CD1B: variants seen among roughly 807,000 people sequenced by gnomAD.
CD1B encodes the protein CD1b molecule, also known as T-cell surface glycoprotein CD1b.
Under a neutral mutation model 39.8 loss-of-function variants are expected in CD1B, and 43 were observed. The observed-to-expected ratio is 1.08, with a 90% CI of 0.85 to 1.39. CD1B has a LOEUF of 1.39. Among genes scored for constraint, CD1B ranks in the 40% most tolerant of loss-of-function variants. CD1B has a pLI of 0.00. For synonymous variants in CD1B, 192 were observed against 152.5 expected (o/e 1.26, Z -1.91); for missense variants, 495 against 403.8 (o/e 1.23, Z -1.94).
chr1:158,301,152 C>T, the CD1B span, among the ~76,000 whole-genome samples: 4 of 151,912 alleles, frequency 2.6e-5, no homozygotes, highest in East Asian at 3.9e-4. Flanking sequence ...GGTAGAGTGT[C>T]CTCCATCCCT....
At chr1:158,292,615 G>A in the CD1B span, 1 of 1,612,828 alleles carries the variant, frequency 6.2e-7, no homozygotes, top group Non-Finnish European at 8.5e-7. Context: ...AAGCCTGGCT[G>A]TCCAGTCGCC....
intron 1 of CD1B, 96 bp downstream of exon 1, chr1:158,331,267 G>T: frequency 1.6e-6 from 2 of 1,230,602 alleles, no homozygotes; most frequent in Non-Finnish European, 2.4e-6. Context: ...GAAAGACCCA[G>T]ACCCTTAGTG....
chr1:158,331,001 C>T lies in CD1B; in HGVS notation c.123G>A (p.Trp41Ter), dbSNP rs760220050. The T allele has an allele frequency of 7.4e-6, 12 of 1,613,912 alleles. No individual in the cohort carries two copies. Among genetic ancestry groups the T allele is most frequent in the Non-Finnish European group, 9.3e-6 (11 of 1,179,992 alleles). ...IQTSSFTNST[W>*]AQTQGSGWLD... ...ACCAGCCTGAGCCTTGAGTTTGTGC[C>T]CAGGTACTATTGGTAAAGGACGAGG... is the stretch of plus-strand genomic sequence containing the variant. Residue 41 changes from tryptophan (W) to a stop codon, truncating the protein, a stop_gained, in exon 2 of 6, where the codon TGG becomes TGA. Coordinates refer to ENST00000368168, the MANE Select transcript of CD1B (RefSeq NM_001764.3). LOFTEE classifies it high-confidence loss of function.
chr1:158,293,425 A>C, the CD1B span: 2 of 1,612,460 alleles, frequency 1.2e-6, no homozygotes, highest in Non-Finnish European at 1.7e-6. Context: ...CAACTTATTC[A>C]GGGTTTCTCC....
At chr1:158,325,168 T>C (rs989378138), downstream of CD1B, among the ~76,000 whole-genome samples, 24 of 152,120 alleles carry the variant, frequency 1.6e-4, no homozygotes, top group Admixed American at 1.2e-3. Context: ...GAATGTTTAA[T>C]ATATTTTTCT....
At chr1:158,298,548 G>T in the CD1B span, among the ~76,000 whole-genome samples, 1 of 152,140 alleles carries the variant, frequency 6.6e-6, no homozygotes, top group Non-Finnish European at 1.5e-5. Flanking sequence ...CCAATTCTGT[G>T]AAGAAAGTCA....
chr1:158,314,341 C>A, the CD1B span, among the ~76,000 whole-genome samples: 1 of 152,194 alleles, frequency 6.6e-6, no homozygotes, highest in Non-Finnish European at 1.5e-5. Flanking sequence ...CTCGGCCTCC[C>A]AAAGTGCTGG....
downstream of CD1B, among the ~76,000 whole-genome samples, chr1:158,326,878 C>T (rs559216082): frequency 6.6e-6 from 1 of 152,128 alleles, no homozygotes; most frequent in Non-Finnish European, 1.5e-5. Context: ...CTCACTGCAA[C>T]CTCCACTTGC....
At chr1:158,328,531 C>T (rs902611493) in intron 5 of CD1B, among the ~76,000 whole-genome samples, 2 of 152,088 alleles carry the variant, frequency 1.3e-5, no homozygotes, top group African/African-American at 2.4e-5. Context: ...ATATAAGGTA[C>T]CTAGAATAGT....
At position 158,329,883 on chromosome 1, in the gene CD1B, G is replaced by C; in HGVS notation, c.576C>G (p.Leu192=). 1 of 1,613,998 alleles carries C rather than the reference G, an allele frequency of 6.2e-7. No homozygotes were observed. The highest frequency in any genetic ancestry group is 8.5e-7 in the Non-Finnish European group (1 of 1,179,962). ...TTTGCAGATCTGCTTTTCCTGCATT[G>C]AGGACGCCCAAGAGATATCGGGGGC... ...ETCPRYLLGV[L]NAGKADLQRQ... is the part of the protein sequence containing the mutation. The change falls in exon 3 of 6, where the codon CTC becomes CTG. Residue 192 remains leucine, a synonymous_variant. Coordinates refer to ENST00000368168, the MANE Select transcript of CD1B (RefSeq NM_001764.3).
At chr1:158,325,037 T>C (rs1652304838), downstream of CD1B, among the ~76,000 whole-genome samples, 1 of 152,148 alleles carries the variant, frequency 6.6e-6, no homozygotes, top group African/African-American at 2.4e-5. Flanking sequence ...AAGCATTCAT[T>C]CTCTTGAGAA....
the CD1B span, among the ~76,000 whole-genome samples, chr1:158,320,755 T>G: frequency 6.6e-6 from 1 of 152,162 alleles, no homozygotes; most frequent in African/African-American, 2.4e-5. Flanking sequence ...TCTTTTTGAT[T>G]TTTTTCACTG....
the CD1B span, among the ~76,000 whole-genome samples, chr1:158,301,111 C>A: frequency 2.6e-4 from 39 of 151,948 alleles, no homozygotes; most frequent in Admixed American, 2.0e-3. Context: ...GGGATTGCAA[C>A]CCCTGCTTTT....
the CD1B span, among the ~76,000 whole-genome samples, chr1:158,296,311 G>A: frequency 6.6e-6 from 1 of 152,234 alleles, no homozygotes; most frequent in African/African-American, 2.4e-5. Flanking sequence ...CAGTCTTAGA[G>A]CATATAGCCC....
chr1:158,293,485 C>G, the CD1B span: 1 of 1,614,110 alleles, frequency 6.2e-7, no homozygotes, highest in Admixed American at 1.7e-5. Context: ...GAGACTCTTC[C>G]CCCTGACTCC....
chr1:158,285,884 G>C, the CD1B span, among the ~76,000 whole-genome samples: 1 of 152,160 alleles, frequency 6.6e-6, no homozygotes, highest in Non-Finnish European at 1.5e-5. Context: ...GAAAGGCCAT[G>C]TAAGAGTCAC....
At chr1:158,294,918 T>C in the CD1B span, among the ~76,000 whole-genome samples, 1 of 151,972 alleles carries the variant, frequency 6.6e-6, no homozygotes, top group African/African-American at 2.4e-5. Flanking sequence ...GCTTCCCAGA[T>C]CTGGCAGGGC....
the CD1B span, among the ~76,000 whole-genome samples, chr1:158,307,815 G>GAT: frequency 6.6e-6 from 1 of 152,038 alleles, no homozygotes; most frequent in South Asian, 2.1e-4. Context: ...CAATAAATTA[G>GAT]GTATTGATGG....
At chr1:158,314,424 T>C in the CD1B span, among the ~76,000 whole-genome samples, 2 of 152,156 alleles carry the variant, frequency 1.3e-5, no homozygotes, top group Admixed American at 1.3e-4. Flanking sequence ...TTTGTTATTC[T>C]TTTGTGTTGT....
Sources: gnomAD v4.1 joint callset for allele counts (sites outside exome capture counted in the v4.1 genomes callset) on GRCh38, gnomAD v4.1.1 for gene constraint, MANE v1.5 for transcripts, NCBI Gene and HGNC (gene_info 2026-07-23, HGNC 2026-07-21) for gene names.